Variants in SYT17 observed in about 807,000 individuals in gnomAD.
The protein encoded by SYT17 is synaptotagmin-17.
SYT17 carries 22 observed loss-of-function variants against 46.7 expected under a neutral mutation model. The observed-to-expected ratio is 0.47, with a 90% CI of 0.34 to 0.67. The LOEUF (loss-of-function observed/expected upper bound fraction) is 0.67, where lower values mean the gene tolerates loss of function less well. Ranked by LOEUF, SYT17 falls within the 30% of genes least tolerant of loss-of-function variation. The pLI, the probability that SYT17 is intolerant of heterozygous loss-of-function variation, is 0.01. For missense variants in SYT17, 519 were observed against 612.8 expected (o/e 0.85, Z 1.62); for synonymous variants, 251 against 248.4 (o/e 1.01, Z -0.10).
rs1208770495 is a variant in SYT17, at chr16:19,173,427, C to T, written c.34-3C>T. The T allele has an allele frequency of 6.4e-7, 1 of 1,566,220 alleles. No individual in the cohort carries two copies. The highest frequency in any genetic ancestry group is 8.7e-7 in the Non-Finnish European group (1 of 1,153,042). Reference sequence around the variant, plus strand: ...CCCCGCCCACCTCCCCCAATGGCCTCAGGGTTTTCTTTCTAGAATCTCTGG... The same window carrying T: ...CCCCGCCCACCTCCCCCAATGGCCTTAGGGTTTTCTTTCTAGAATCTCTGG... On this transcript the variant is annotated splice_region_variant and splice_polypyrimidine_tract_variant and intron_variant, in intron 2 of 7. Transcript: ENST00000355377.
At chr16:19,239,617 A>G (rs923441881) in intron 7 of SYT17, among the ~76,000 whole-genome samples, 1 of 152,224 alleles carries the variant, frequency 6.6e-6, no homozygotes, top group Non-Finnish European at 1.5e-5. Context: ...CACTGCTCCA[A>G]GTATTTCAAA....
chr16:19,213,849 G>T (rs953868021), intron 5 of SYT17, among the ~76,000 whole-genome samples: 1 of 152,104 alleles, frequency 6.6e-6, no homozygotes, highest in Non-Finnish European at 1.5e-5. Flanking sequence ...TATACCAAAA[G>T]TTCCAAGTCT....
chr16:19,246,475 C>T (rs542145741), intron 7 of SYT17, among the ~76,000 whole-genome samples: 3 of 152,094 alleles, frequency 2.0e-5, no homozygotes, highest in African/African-American at 4.8e-5. Context: ...TATGTGCAAC[C>T]GTAAATGGGG....
intron 7 of SYT17, among the ~76,000 whole-genome samples, chr16:19,238,056 G>A (rs1419847092): frequency 1.3e-5 from 2 of 152,228 alleles, no homozygotes; most frequent in Admixed American, 1.3e-4. Flanking sequence ...GTTGAGAGGA[G>A]AATCATCTGA....
At chr16:19,180,563 C>A (rs774525041) in intron 4 of SYT17, 24 bp downstream of exon 4, 1 of 1,612,558 alleles carries the variant, frequency 6.2e-7, no homozygotes, top group Non-Finnish European at 8.5e-7. Flanking sequence ...CTTTACCTTT[C>A]TGGGGGCCCT....
intron 5 of SYT17, among the ~76,000 whole-genome samples, chr16:19,198,969 G>A (rs1228837721): frequency 2.0e-5 from 3 of 152,218 alleles, no homozygotes; most frequent in East Asian, 1.9e-4. Context: ...GAGGCTATGA[G>A]CTCTGAGTGG....
rs1966375267 is a variant in SYT17 at position 19,222,924 on chromosome 16, A to G, written c.952-121A>G. On this transcript the variant is annotated intron_variant, in intron 5 of 7. Transcript: ENST00000355377. ...AAAGAAGTCACACACAGAGGCTCCC[A>G]CTGTCAACTGATGCGCTCACAGCAA... The G allele has an allele frequency of 1.0e-5, 13 of 1,298,520 alleles. 1 individual carries two copies. In the South Asian group the frequency reaches 1.4e-4, roughly 14 times the overall value. The allele number at this position is 1,298,520 out of a possible 1,614,324, so 80.4% of individuals were successfully genotyped here.
intron 7 of SYT17, among the ~76,000 whole-genome samples, chr16:19,259,879 C>A (rs1178497244): frequency 6.6e-6 from 1 of 152,160 alleles, no homozygotes; most frequent in East Asian, 1.9e-4. Flanking sequence ...AGAGGACATG[C>A]GCCCAAGGTG....
At chr16:19,237,978 G>T (rs1451173598) in intron 7 of SYT17, among the ~76,000 whole-genome samples, 1 of 152,254 alleles carries the variant, frequency 6.6e-6, no homozygotes, top group East Asian at 1.9e-4. Flanking sequence ...AGTACATTGA[G>T]ACGTCTTTGG....
At chr16:19,251,022 A>T (rs7359333) in intron 7 of SYT17, among the ~76,000 whole-genome samples, 84,319 of 152,022 alleles carry the variant, frequency 0.55, 23,756 homozygotes, top group East Asian at 0.63. Flanking sequence ...TTGTGTGTAG[A>T]TGTCATTTTT....
chr16:19,229,674 G>T (rs1966612587), intron 7 of SYT17, among the ~76,000 whole-genome samples: 1 of 152,178 alleles, frequency 6.6e-6, no homozygotes, highest in Non-Finnish European at 1.5e-5. Flanking sequence ...GTTAAAAATA[G>T]AATTAGCATG....
chr16:19,250,148 C>T (rs1967937295), intron 7 of SYT17: 1 of 1,399,582 alleles, frequency 7.1e-7, no homozygotes, highest in East Asian at 2.6e-5. Flanking sequence ...AATTTTTTAA[C>T]ATATTGAAAG....
rs1250532322 is a variant in SYT17, at chr16:19,224,731, C to T, written c.1121C>T (p.Thr374Ile). 2 of 1,613,954 alleles carry T rather than the reference C, an allele frequency of 1.2e-6. No homozygotes were observed. Among genetic ancestry groups the T allele is most frequent in the Non-Finnish European group, 1.7e-6 (2 of 1,179,978 alleles). ...QLVHGLKLVK[T>I]KKTSFLRGTI... The stretch of plus-strand genomic sequence containing the variant: ...GTGCATGGACTCAAACTTGTGAAAA[C>T]CAAGAAGACGTCCTTCTTAAGGGGC... The change falls in exon 7 of 8, where the codon ACC becomes ATC. Residue 374 changes from threonine to isoleucine, a missense_variant. Thr to Ile is a moderately conservative substitution (Grantham distance 89). Coordinates refer to ENST00000355377, the MANE Select transcript of SYT17 (RefSeq NM_016524.4).
intron 5 of SYT17, among the ~76,000 whole-genome samples, chr16:19,218,666 C>T (rs1966185698): frequency 1.3e-5 from 2 of 152,200 alleles, no homozygotes; most frequent in South Asian, 2.1e-4. Flanking sequence ...TTGAGGGGCT[C>T]TTAGGTATTG....
intron 7 of SYT17, among the ~76,000 whole-genome samples, chr16:19,231,248 G>T (rs1345211296): frequency 6.6e-6 from 1 of 152,062 alleles, no homozygotes; most frequent in Non-Finnish European, 1.5e-5. Context: ...TAAGTGGCCA[G>T]GGTTTCCTGT....
intron 7 of SYT17, among the ~76,000 whole-genome samples, chr16:19,240,090 G>A (rs937328818): frequency 1.3e-5 from 2 of 152,218 alleles, no homozygotes; most frequent in African/African-American, 4.8e-5. Flanking sequence ...GGCTTGGGGA[G>A]CTCCTGGGCC....
chr16:19,195,129 T>C (rs74622749), intron 5 of SYT17, among the ~76,000 whole-genome samples: 1 of 152,336 alleles, frequency 6.6e-6, no homozygotes, highest in African/African-American at 2.4e-5. Flanking sequence ...ACTGTGAGGA[T>C]AGTGATGGTG....
At position 19,224,829 on chromosome 16, in the gene SYT17, G is replaced by A. The variant is rs1966445927; in HGVS notation, c.1219G>A (p.Val407Met). The A allele has an allele frequency of 6.2e-7, 1 of 1,614,016 alleles. No individual in the cohort carries two copies. Among genetic ancestry groups the A allele is most frequent in the East Asian group, 2.2e-5 (1 of 44,880 alleles). ...PQEELENASLVFTVFGHNMKS... is the reference protein window; with the variant it reads ...PQEELENASLMFTVFGHNMKS... ...AGAAGAACTGGAAAATGCCAGCCTA[G>A]TGTTTACAGGTAGGTAGCATTCCAA... Residue 407 changes from valine (V) to methionine (M), a missense_variant, in exon 7 of 8, where the codon GTG becomes ATG. By Grantham distance (21) the Val-to-Met change is conservative. Transcript: ENST00000355377.
chr16:19,259,682 A>ATTT (rs67609928), intron 7 of SYT17, among the ~76,000 whole-genome samples: 4 of 147,914 alleles, frequency 2.7e-5, no homozygotes, highest in Admixed American at 1.3e-4. Flanking sequence ...GAATGTTTTG[A>ATTT]TTTTTTTTTT....
Sources: allele counts gnomAD v4.1 joint callset (sites outside exome capture counted in the v4.1 genomes callset), GRCh38; gene constraint gnomAD v4.1.1; transcripts MANE v1.5; gene names NCBI Gene and HGNC (gene_info 2026-07-23, HGNC 2026-07-21).